Variants in SBF1 observed in about 807,000 individuals in gnomAD.
The protein encoded by SBF1 is myotubularin-related protein 5.
A neutral mutation model predicts 215.8 loss-of-function variants in SBF1; 65 were observed. The observed-to-expected ratio is 0.30, with a 90% CI of 0.25 to 0.37. SBF1 has a LOEUF of 0.37. Among genes scored for constraint, SBF1 ranks in the 10% least tolerant of loss-of-function variants. The probability of loss-of-function intolerance (pLI) is 1.00; values close to 1 mark genes in which losing one functional copy is unlikely to be tolerated. For synonymous variants in SBF1, 1,410 were observed against 1,122.8 expected, an observed-to-expected ratio of 1.26 and a Z score of -5.11; for missense variants, 2,634 against 2,667.8, an observed-to-expected ratio of 0.99 and a Z score of 0.28.
intron 28 of SBF1, 42 bp downstream of exon 28, chr22:50,459,213 C>T: frequency 6.4e-7 from 1 of 1,570,312 alleles, no homozygotes; most frequent in Non-Finnish European, 8.7e-7. Context: ...CACGGCCCCC[C>T]AAAGTGCCCC....
At chr22:50,458,952 C>T (rs1469364312) in intron 28 of SBF1, among the ~76,000 whole-genome samples, 1 of 152,210 alleles carries the variant, frequency 6.6e-6, no homozygotes, top group Admixed American at 6.5e-5. Context: ...TAAGACAGAG[C>T]CGCGTAGAGG....
rs1185244377 is a variant in SBF1, at chr22:50,474,873, G to A, written c.-33C>T. ...GACGCGGGGCGGCCCGAGGGGCGCG[G>A]GCGGGCTCCGCGGCTCGGGGACTCG... is the stretch of plus-strand genomic sequence containing the variant. On this transcript the variant is annotated 5_prime_UTR_variant, in exon 1 of 41. Transcript: ENST00000380817. 3.0e-6 allele frequency: 4 copies of A among 1,344,794 alleles called. No homozygotes were observed. Among genetic ancestry groups the A allele is most frequent in the Non-Finnish European group, 9.5e-7 (1 of 1,051,412 alleles). 83.3% of individuals were successfully genotyped at this position (1,344,794 alleles called of 1,614,324 possible).
intron 1 of SBF1, among the ~76,000 whole-genome samples, chr22:50,473,448 T>C (rs1360094345): frequency 8.5e-5 from 13 of 152,224 alleles, no homozygotes; most frequent in Non-Finnish European, 1.5e-5. Context: ...ATGAGGACTA[T>C]GTGGTCCTAG....
intron 36 of SBF1, among the ~76,000 whole-genome samples, chr22:50,450,580 C>T (rs2148558341): frequency 6.6e-6 from 1 of 151,882 alleles, no homozygotes; most frequent in Non-Finnish European, 1.5e-5. Flanking sequence ...CTAAAAGATA[C>T]TGGACTTCCA....
At chr22:50,455,807 C>T in intron 31 of SBF1, 1 of 592,966 alleles carries the variant, frequency 1.7e-6, no homozygotes, top group South Asian at 2.0e-5. Context: ...TCCAAGCCCT[C>T]TAGGACTGAG....
chr22:50,468,048 A>G, intron 2 of SBF1, 125 bp from the exon 3 acceptor site: 4 of 1,274,102 alleles, frequency 3.1e-6, no homozygotes, highest in Admixed American at 2.1e-5. Flanking sequence ...CCTTGCTTGG[A>G]GACCCTGGGG....
intron 20 of SBF1, 34 bp from the exon 21 acceptor site, chr22:50,461,903 G>GC (rs768609992): frequency 6.2e-7 from 1 of 1,614,010 alleles, no homozygotes; most frequent in Non-Finnish European, 8.5e-7. Flanking sequence ...TTTGTGCCCA[G>GC]CCCCACCCAT....
At chr22:50,447,297 C>T (rs775804627) in intron 40 of SBF1, 25 bp downstream of exon 40, 1 of 1,613,346 alleles carries the variant, frequency 6.2e-7, no homozygotes, top group Non-Finnish European at 8.5e-7. Flanking sequence ...CCCCTCCCCT[C>T]TCCCAAGCCC....
chr22:50,448,685 G>A, intron 36 of SBF1, 35 bp from the exon 37 acceptor site: 1 of 1,524,152 alleles, frequency 6.6e-7, no homozygotes, highest in Non-Finnish European at 9.0e-7. Context: ...TTATTCAAAA[G>A]GAAATATCCA....
chr22:50,454,643 G>A lies in SBF1; in HGVS notation c.4912C>T (p.Gln1638Ter). The change falls in exon 36 of 41, where the codon CAG becomes TAG. Residue 1638 changes from glutamine to a stop codon, truncating the protein, a stop_gained. Transcript: ENST00000380817. LOFTEE classifies it high-confidence loss of function. Reference protein sequence around the residue: ...EGPPYDWELAQGPPEPPEEER... With the variant: ...EGPPYDWELA ...TCCTCTGGGGGTTCAGGGGGCCCCTGGGCCAGTTCCCAGTCATAGGGAGGG... is the reference window on the plus strand; with the variant it reads ...TCCTCTGGGGGTTCAGGGGGCCCCTAGGCCAGTTCCCAGTCATAGGGAGGG... The A allele has an allele frequency of 6.3e-7, 1 of 1,596,516 alleles. No homozygotes were observed. Among genetic ancestry groups the A allele is most frequent in the Non-Finnish European group, 8.5e-7 (1 of 1,171,190 alleles).
rs116062407 is a variant in SBF1, at chr22:50,456,172, G to A, written c.4266+44C>T. ...TCCACTTGGCTCTACCCAAGGGGAG[G>A]GCCCAGCACCAAGGCGGGCAGAGGG... On this transcript the variant is annotated intron_variant, in intron 31 of 40. Transcript: ENST00000380817. 1.3e-3 allele frequency: 2,129 copies of A among 1,590,212 alleles called. 30 individuals carry two copies. The African/African-American group carries it at 0.024, about 18-fold the overall frequency.
intron 10 of SBF1, 83 bp downstream of exon 10, chr22:50,465,680 C>A (rs1603433800): frequency 1.5e-6 from 2 of 1,300,796 alleles, no homozygotes; most frequent in Non-Finnish European, 2.1e-6. Flanking sequence ...GGGGGTGGGG[C>A]CCTGTGTGTC....
chr22:50,446,926 G>A lies in SBF1; in HGVS notation c.*216C>T, dbSNP rs1427389843. 1 of 719,488 alleles carries A rather than the reference G, an allele frequency of 1.4e-6. No homozygotes were observed. Among genetic ancestry groups the A allele is most frequent in the South Asian group, 1.5e-5 (1 of 68,692 alleles). 44.6% of individuals were successfully genotyped at this position (719,488 alleles called of 1,614,324 possible). On this transcript the variant is annotated 3_prime_UTR_variant, in exon 41 of 41. Coordinates refer to ENST00000380817, the MANE Select transcript of SBF1 (RefSeq NM_002972.4). ...CAGGCCCATTGCGGGCTGTACCTTGGCCACCTCCCGGCACGGTGCTCAGCT... is the reference window on the plus strand; with the variant it reads ...CAGGCCCATTGCGGGCTGTACCTTGACCACCTCCCGGCACGGTGCTCAGCT...
At chr22:50,468,650 G>A (rs1302029136) in intron 1 of SBF1, among the ~76,000 whole-genome samples, 189 bp from the exon 2 acceptor site, 3 of 152,002 alleles carry the variant, frequency 2.0e-5, no homozygotes, top group African/African-American at 2.4e-5. Flanking sequence ...CCACCTGAGG[G>A]TAGAGAAGCC....
At position 50,458,348 on chromosome 22, in the gene SBF1, C is replaced by T. The variant is rs182221661; in HGVS notation, c.3826+907G>A. Among the ~76,000 whole-genome samples the T allele has an allele frequency of 2.1e-3, 311 of 150,200 alleles. 1 individual carries two copies. Among genetic ancestry groups the T allele is most frequent in the Middle Eastern group, 0.014 (4 of 280 alleles). On this transcript the variant is annotated intron_variant, in intron 28 of 40. Transcript: ENST00000380817. The stretch of plus-strand genomic sequence containing the variant: ...AGGTCAGGGCTGGGACTAGAAGCCA[C>T]GACTACAGCTGAGTGAAGCTTGAGC...
In SBF1 at chr22:50,448,548, C is replaced by T. The variant is rs747215974; in HGVS notation, c.5146G>A (p.Gly1716Ser). 7.4e-6 allele frequency: 12 copies of T among 1,612,104 alleles called. No individual in the cohort carries two copies. The highest frequency in any genetic ancestry group is 2.7e-5 in the African/African-American group (2 of 74,944). Reference sequence around the variant, plus strand: ...TCACACTGGCCCTCACTCACACGGCCGTCTGGCCGGCCCTCGAGGCGCTGT... The same window carrying T: ...TCACACTGGCCCTCACTCACACGGCTGTCTGGCCGGCCCTCGAGGCGCTGT... ...AAQRLEGRPD[G>S]RGTPSSLLVS... The change falls in exon 37 of 41, where the codon GGC becomes AGC. Residue 1716 changes from glycine (G) to serine (S), a missense_variant. Transcript: ENST00000380817.
At chr22:50,468,603 G>A (rs938364854) in intron 1 of SBF1, 142 bp from the exon 2 acceptor site, 17 of 597,576 alleles carry the variant, frequency 2.8e-5, no homozygotes, top group Middle Eastern at 5.3e-4. Flanking sequence ...AAATAGCTCC[G>A]TATGGAGAGT....
chr22:50,467,832 T>A lies in SBF1; in HGVS notation c.233A>T (p.His78Leu), dbSNP rs201451574. 1.2e-6 allele frequency: 2 copies of A among 1,613,894 alleles called. No homozygotes were observed. The highest frequency in any genetic ancestry group is 1.7e-6 in the Non-Finnish European group (2 of 1,179,940). ...AVLTDINSER[H>L]YCACLTFWEP... Reference sequence around the variant, plus strand: ...CCAGAAGGTCAAGCAGGCGCAGTAGTGGCGCTCGGAGTTGATGTCGGTGAG... The same window carrying A: ...CCAGAAGGTCAAGCAGGCGCAGTAGAGGCGCTCGGAGTTGATGTCGGTGAG... The change falls in exon 3 of 41, where the codon CAC becomes CTC. Residue 78 changes from histidine (H) to leucine (L), a missense_variant. Physicochemically the swap from His to Leu is moderately conservative, Grantham distance 99. Coordinates refer to ENST00000380817, the MANE Select transcript of SBF1 (RefSeq NM_002972.4).
rs752869887 is a variant in SBF1, at chr22:50,456,533, G to C, written c.4045C>G (p.Arg1349Gly). The C allele has an allele frequency of 6.3e-7, 1 of 1,585,290 alleles. No individual in the cohort carries two copies. Among genetic ancestry groups the C allele is most frequent in the Non-Finnish European group, 8.6e-7 (1 of 1,167,666 alleles). ...TCCCCAAGGATATAGAGGGCTGCTC[G>C]CTGCGGACGCAGGAAGCCCGGGTCG... is the stretch of plus-strand genomic sequence containing the variant. The part of the protein sequence containing the change: ...PPDPGFLRPQ[R>G]AALYILGDKA... The change falls in exon 30 of 41, where the codon CGA becomes GGA. Residue 1349 changes from arginine to glycine, a missense_variant. By Grantham distance (125) the Arg-to-Gly change is moderately radical. Coordinates refer to ENST00000380817, the MANE Select transcript of SBF1 (RefSeq NM_002972.4).
Sources: allele counts gnomAD v4.1 joint callset (sites outside exome capture counted in the v4.1 genomes callset), GRCh38; gene constraint gnomAD v4.1.1; transcripts MANE v1.5; gene names NCBI Gene and HGNC (gene_info 2026-07-23, HGNC 2026-07-21).